DNAAF9: variants seen among roughly 807,000 people sequenced by gnomAD.
DNAAF9 encodes the protein shulin.
A neutral mutation model predicts 167.0 loss-of-function variants in DNAAF9; 90 were observed. The ratio of observed to expected loss-of-function variants is 0.54; its 90% CI spans 0.45 to 0.64. DNAAF9 has a LOEUF of 0.64. DNAAF9 is among the 30% of genes least tolerant of loss of function. The pLI is 0.00. For missense variants in DNAAF9, 1,315 were observed against 1,442.2 expected (o/e 0.91, Z 1.43); for synonymous variants, 491 against 508.8 (o/e 0.96, Z 0.47).
At chr20:3,282,375 A>C (rs2068778032) in intron 27 of DNAAF9, among the ~76,000 whole-genome samples, 1 of 152,126 alleles carries the variant, frequency 6.6e-6, no homozygotes, top group African/African-American at 2.4e-5. Flanking sequence ...AAATATAACT[A>C]GAAGAGATCA....
chr20:3,270,978 A>T (rs948078451), intron 29 of DNAAF9, among the ~76,000 whole-genome samples: 2 of 151,782 alleles, frequency 1.3e-5, no homozygotes. Flanking sequence ...ATGCCTGGCT[A>T]ATTTTTGTAT....
chr20:3,310,276 AGAAAG>A (rs953134842), intron 20 of DNAAF9, among the ~76,000 whole-genome samples: 6 of 151,066 alleles, frequency 4.0e-5, no homozygotes, highest in Non-Finnish European at 8.8e-5. Flanking sequence ...AGAAAGAGAA[AGAAAG>A]GAAAGAAAGA....
chr20:3,403,128 C>T (rs2084011909), intron 1 of DNAAF9, among the ~76,000 whole-genome samples: 2 of 152,024 alleles, frequency 1.3e-5, no homozygotes, highest in African/African-American at 4.8e-5. Flanking sequence ...GCCTTGATTC[C>T]CCCACTTCCA....
intron 1 of DNAAF9, among the ~76,000 whole-genome samples, chr20:3,401,879 C>G (rs937503732): frequency 4.6e-5 from 7 of 151,860 alleles, no homozygotes; most frequent in Non-Finnish European, 8.8e-5. Flanking sequence ...CCCCCGCCCC[C>G]TTTTGATACA....
chr20:3,354,997 G>A (rs910907202), intron 7 of DNAAF9, among the ~76,000 whole-genome samples: 2 of 152,150 alleles, frequency 1.3e-5, no homozygotes, highest in Admixed American at 6.5e-5. Context: ...CCTCTCCACT[G>A]ACTCTAGGGA....
intron 1 of DNAAF9, among the ~76,000 whole-genome samples, chr20:3,384,787 G>A (rs2083711530): frequency 6.6e-6 from 1 of 151,862 alleles, no homozygotes; most frequent in South Asian, 2.1e-4. Context: ...AGAGATACTC[G>A]AGGCTGGTTC....
chr20:3,350,351 G>A (rs995868879), intron 7 of DNAAF9, among the ~76,000 whole-genome samples: 1 of 152,090 alleles, frequency 6.6e-6, no homozygotes, highest in Non-Finnish European at 1.5e-5. Flanking sequence ...GTAGGTGACA[G>A]TGCTGATAGT....
At chr20:3,278,382 G>A (rs938763206) in intron 29 of DNAAF9, among the ~76,000 whole-genome samples, 4 of 152,170 alleles carry the variant, frequency 2.6e-5, no homozygotes, top group Admixed American at 1.3e-4. Flanking sequence ...GTGGACTTAA[G>A]CCCAGCTCAA....
chr20:3,347,544 A>G (rs1000985260), intron 8 of DNAAF9, among the ~76,000 whole-genome samples: 1 of 152,240 alleles, frequency 6.6e-6, no homozygotes. Flanking sequence ...TGGCAAATAT[A>G]TAAGACTTTT....
intron 6 of DNAAF9, among the ~76,000 whole-genome samples, chr20:3,360,974 G>A (rs1244933820): frequency 6.6e-6 from 1 of 152,136 alleles, no homozygotes; most frequent in East Asian, 1.9e-4. Context: ...TAAAAACAAC[G>A]CATCAGCCAA....
chr20:3,310,068 TG>T (rs1383008170), intron 20 of DNAAF9, among the ~76,000 whole-genome samples: 2 of 152,002 alleles, frequency 1.3e-5, no homozygotes, highest in Non-Finnish European at 2.9e-5. Context: ...GGTGCATGTC[TG>T]TAATCCCAGC....
intron 29 of DNAAF9, among the ~76,000 whole-genome samples, chr20:3,272,560 C>T (rs972505028): frequency 1.3e-5 from 2 of 152,134 alleles, no homozygotes; most frequent in Admixed American, 6.5e-5. Flanking sequence ...CTAGTGGTCA[C>T]TTTTATATCT....
In DNAAF9 at chr20:3,252,521, C is replaced by A; in HGVS notation, c.*51G>T. 1 of 976,700 alleles carries A rather than the reference C, an allele frequency of 1.0e-6. No individual in the cohort carries two copies. The highest frequency in any genetic ancestry group is 1.3e-5 in the South Asian group (1 of 77,620). The allele number at this position is 976,700 out of a possible 1,614,324, so 60.5% of individuals were successfully genotyped here. A position where few individuals can be genotyped will look rare whatever the true frequency, so the allele number is the denominator to read the frequency against. On this transcript the variant is annotated 3_prime_UTR_variant, in exon 37 of 37. Coordinates refer to ENST00000252032, the MANE Select transcript of DNAAF9 (RefSeq NM_001009984.3). ...CAGAGCTGAGGTTAAGACACCCGTT[C>A]GTCCATCTCCAAGGTGGACATTCTG...
intron 5 of DNAAF9, 125 bp downstream of exon 5, chr20:3,374,905 T>C (rs2083555280): frequency 4.7e-6 from 3 of 639,500 alleles, no homozygotes; most frequent in South Asian, 4.2e-5. Flanking sequence ...TTCTGCTTGA[T>C]GTCTTTGGTA....
At chr20:3,291,714 A>G (rs547060449) in intron 25 of DNAAF9, among the ~76,000 whole-genome samples, 3 of 152,192 alleles carry the variant, frequency 2.0e-5, no homozygotes, top group Non-Finnish European at 4.4e-5. Context: ...TGCTAAAGCT[A>G]AGCCTGGAAG....
chr20:3,347,865 T>A (rs1272385976), intron 8 of DNAAF9, among the ~76,000 whole-genome samples: 1 of 151,872 alleles, frequency 6.6e-6, no homozygotes, highest in Non-Finnish European at 1.5e-5. Context: ...GAGGTTGCAG[T>A]GCACCGAGAT....
chr20:3,407,094 G>C (rs971200444), intron 1 of DNAAF9, among the ~76,000 whole-genome samples: 1 of 152,138 alleles, frequency 6.6e-6, no homozygotes, highest in African/African-American at 2.4e-5. Context: ...AGGCGAGTGA[G>C]TTATTCATAG....
At chr20:3,329,236 A>G (rs1049542159) in intron 12 of DNAAF9, among the ~76,000 whole-genome samples, 4 of 151,672 alleles carry the variant, frequency 2.6e-5, no homozygotes, top group African/African-American at 9.7e-5. Flanking sequence ...GTGTGATCTC[A>G]GCTCACTGCA....
intron 6 of DNAAF9, among the ~76,000 whole-genome samples, chr20:3,361,330 G>A (rs1190772590): frequency 6.6e-6 from 1 of 152,200 alleles, no homozygotes; most frequent in Non-Finnish European, 1.5e-5. Context: ...GTGGGGACAG[G>A]ATGATGGCTT....
Sources: gnomAD v4.1 joint callset for allele counts (sites outside exome capture counted in the v4.1 genomes callset) on GRCh38, gnomAD v4.1.1 for gene constraint, MANE v1.5 for transcripts, NCBI Gene and HGNC (gene_info 2026-07-23, HGNC 2026-07-21) for gene names.